Variants in LTBP1 observed in about 807,000 individuals in gnomAD.
LTBP1 encodes latent transforming growth factor beta binding protein 1, also known as latent-transforming growth factor beta-binding protein 1.
Under a neutral mutation model 207.6 loss-of-function variants are expected in LTBP1, and 129 were observed. The observed-to-expected ratio is 0.62, with a 90% CI of 0.54 to 0.72. LTBP1 has a LOEUF of 0.72. Ranked by LOEUF, LTBP1 falls within the 30% of genes least tolerant of loss-of-function variation. LTBP1 has a pLI of 0.00. For missense variants in LTBP1, 2,281 were observed against 2,217.2 expected, an observed-to-expected ratio of 1.03 and a Z score of -0.58; for synonymous variants, 963 against 833.7, an observed-to-expected ratio of 1.16 and a Z score of -2.67.
intron 10 of LTBP1, among the ~76,000 whole-genome samples, chr2:33,246,512 C>G (rs997650377): frequency 5.3e-5 from 8 of 152,086 alleles, no homozygotes; most frequent in African/African-American, 1.9e-4. Context: ...CACACAGGCA[C>G]TCAACACAGT....
chr2:33,054,290 T>G (rs536257563), intron 3 of LTBP1, among the ~76,000 whole-genome samples: 3 of 152,342 alleles, frequency 2.0e-5, no homozygotes, highest in African/African-American at 7.2e-5. Context: ...GCCTTGAGCT[T>G]TCAAATGTTT....
chr2:33,029,663 G>GA (rs1208979814), intron 3 of LTBP1, among the ~76,000 whole-genome samples: 1 of 152,200 alleles, frequency 6.6e-6, no homozygotes, highest in African/African-American at 2.4e-5. Context: ...GTCATGACTT[G>GA]AACCCAGGCT....
At chr2:33,197,685 T>C (rs924711067) in intron 7 of LTBP1, among the ~76,000 whole-genome samples, 1 of 152,214 alleles carries the variant, frequency 6.6e-6, no homozygotes, top group African/African-American at 2.4e-5. Context: ...GCCCAGTTCC[T>C]GGAAACAAAC....
intron 24 of LTBP1, among the ~76,000 whole-genome samples, chr2:33,325,860 G>T (rs1237092133): frequency 6.6e-6 from 1 of 151,948 alleles, no homozygotes; most frequent in South Asian, 2.1e-4. Flanking sequence ...GGTGGATTTT[G>T]GGGGCTTTCT....
In LTBP1 at chr2:33,066,337, C is replaced by T. The variant is rs546383147; in HGVS notation, c.864-44245C>T. Among the ~76,000 whole-genome samples the T allele has an allele frequency of 4.6e-5, 7 of 152,314 alleles. No individual in the cohort carries two copies. In the South Asian group the frequency reaches 1.4e-3, roughly 32 times the overall value. On this transcript the variant is annotated intron_variant, in intron 3 of 33. Coordinates refer to ENST00000404816, the MANE Select transcript of LTBP1 (RefSeq NM_206943.4). ...GTTGTGACGGAGACTGCATGTAGCT[C>T]TGTGATCACTTTTCACTGCTGCTTG...
At chr2:33,018,652 C>T (rs1688724113) in intron 2 of LTBP1, among the ~76,000 whole-genome samples, 1 of 152,148 alleles carries the variant, frequency 6.6e-6, no homozygotes, top group African/African-American at 2.4e-5. Context: ...CTCAGTTGGT[C>T]AGGAAACTCT....
intron 18 of LTBP1, among the ~76,000 whole-genome samples, chr2:33,276,928 T>C (rs2093437613): frequency 6.6e-6 from 1 of 152,208 alleles, no homozygotes; most frequent in Admixed American, 6.5e-5. Context: ...ACACTGACCT[T>C]CTGCTAAAAA....
intron 2 of LTBP1, among the ~76,000 whole-genome samples, chr2:32,983,968 A>G (rs1342412706): frequency 6.6e-6 from 1 of 152,236 alleles, no homozygotes; most frequent in Non-Finnish European, 1.5e-5. Flanking sequence ...CAGATTGTTA[A>G]AACTGTACTG....
intron 31 of LTBP1, among the ~76,000 whole-genome samples, chr2:33,375,769 C>T (rs1023331330): frequency 3.7e-4 from 55 of 150,500 alleles, no homozygotes; most frequent in Admixed American, 1.8e-3. Flanking sequence ...GCCTCAATCT[C>T]CTGACCTCGT....
At chr2:33,354,679 A>G (rs1007486885) in intron 26 of LTBP1, among the ~76,000 whole-genome samples, 40 of 128,492 alleles carry the variant, frequency 3.1e-4, no homozygotes, top group African/African-American at 1.1e-3. Context: ...ACAAACTAAA[A>G]CTATACACAC....
intron 3 of LTBP1, among the ~76,000 whole-genome samples, chr2:33,095,858 A>C (rs918685371): frequency 3.9e-5 from 6 of 152,166 alleles, no homozygotes; most frequent in Non-Finnish European, 7.4e-5. Flanking sequence ...ATTAAAGAAA[A>C]ATGAATAAAA....
intron 3 of LTBP1, among the ~76,000 whole-genome samples, chr2:33,072,321 T>C (rs2077832003): frequency 6.6e-6 from 1 of 152,162 alleles, no homozygotes; most frequent in Non-Finnish European, 1.5e-5. Context: ...TATCTGAAGC[T>C]CTCTGAACCC....
chr2:33,135,085 A>G, intron 5 of LTBP1, 125 bp downstream of exon 5: 2 of 991,182 alleles, frequency 2.0e-6, no homozygotes, highest in South Asian at 2.0e-5. Context: ...GAGTACGAGT[A>G]TGTTTCTTTC....
At chr2:33,240,394 A>T (rs1326211524) in intron 9 of LTBP1, among the ~76,000 whole-genome samples, 1 of 152,236 alleles carries the variant, frequency 6.6e-6, no homozygotes, top group Non-Finnish European at 1.5e-5. Flanking sequence ...TCATCCAGAT[A>T]CAATGCGTTC....
chr2:33,066,259 CACTT>C (rs2077504214), intron 3 of LTBP1, among the ~76,000 whole-genome samples: 1 of 152,106 alleles, frequency 6.6e-6, no homozygotes, highest in Non-Finnish European at 1.5e-5. Context: ...CAGCCATACT[CACTT>C]GTTTATATGT....
At chr2:33,310,469 C>A (rs138215282) in intron 23 of LTBP1, among the ~76,000 whole-genome samples, 1 of 152,264 alleles carries the variant, frequency 6.6e-6, no homozygotes, top group East Asian at 1.9e-4. Flanking sequence ...CTGTAGGTAT[C>A]TTGGTATCTC....
intron 7 of LTBP1, among the ~76,000 whole-genome samples, chr2:33,215,707 T>TTTTC (rs2090620337): frequency 7.7e-6 from 1 of 130,200 alleles, no homozygotes; most frequent in Admixed American, 7.5e-5. Flanking sequence ...CTTCCATTGG[T>TTTTC]TTTCTTTTGT....
chr2:33,308,756 AC>A (rs2094137066), intron 22 of LTBP1, among the ~76,000 whole-genome samples: 1 of 152,158 alleles, frequency 6.6e-6, no homozygotes, highest in South Asian at 2.1e-4. Flanking sequence ...GTTTCTTTGA[AC>A]AAACATTTCT....
intron 4 of LTBP1, among the ~76,000 whole-genome samples, chr2:33,124,778 A>G (rs1036036911): frequency 6.6e-6 from 1 of 152,248 alleles, no homozygotes; most frequent in Admixed American, 6.5e-5. Context: ...TTTACAGCCT[A>G]TAAATTATAT....
Sources: allele counts gnomAD v4.1 joint callset (sites outside exome capture counted in the v4.1 genomes callset), GRCh38; gene constraint gnomAD v4.1.1; transcripts MANE v1.5; gene names NCBI Gene and HGNC (gene_info 2026-07-23, HGNC 2026-07-21).